The following SHARPIN variants were observed in gnomAD, a reference collection of about 807,000 sequenced individuals.
The protein encoded by SHARPIN is hSIPL1.
A neutral mutation model predicts 40.3 loss-of-function variants in SHARPIN; 25 were observed. The observed-to-expected ratio is 0.62, with a 90% confidence interval of 0.45 to 0.87. The LOEUF is 0.87. Ranked by LOEUF, SHARPIN falls within the 40% of genes least tolerant of loss-of-function variation. The probability of loss-of-function intolerance (pLI) is 0.00; values close to 1 mark genes in which losing one functional copy is unlikely to be tolerated. For synonymous variants in SHARPIN, 274 were observed against 221.8 expected (o/e 1.24, Z -2.09); for missense variants, 551 against 516.1 (o/e 1.07, Z -0.66).
rs201305567 is a variant in SHARPIN at position 144,099,087 on chromosome 8, T to G, written c.1041A>C (p.Pro347=). ...TGCCCAGTCCCGTGCCCACCTGGAG[T>G]GGACTGGGCAGGCTGGAGGCAGCTG... ...PQPAASSLPS[P]LQPSWSCPSC... Residue 347 remains proline (P), a synonymous_variant, in exon 7 of 9, where the codon CCA becomes CCC. Coordinates refer to ENST00000398712, the MANE Select transcript of SHARPIN (RefSeq NM_030974.4). The G allele has an allele frequency of 8.9e-5, 139 of 1,565,584 alleles. No individual in the cohort carries two copies. In the African/African-American group the frequency reaches 1.8e-3, roughly 21 times the overall value.
In SHARPIN at chr8:144,099,121, C is replaced by T. The variant is rs1400288074; in HGVS notation, c.1007G>A (p.Gly336Asp). ...CAGGCTGGAGGCAGCTGGCTGGGGG[C>T]CTGGGGGTAGCCCCAATGATGGGGG... The part of the protein sequence containing the change: ...LFPPSLGLPP[G>D]PQPAASSLPS... The change falls in exon 7 of 9, where the codon GGC becomes GAC. Residue 336 changes from glycine (G) to aspartate (D), a missense_variant. Coordinates refer to ENST00000398712, the MANE Select transcript of SHARPIN (RefSeq NM_030974.4). 2 of 1,587,352 alleles carry T rather than the reference C, an allele frequency of 1.3e-6. No homozygotes were observed. Among genetic ancestry groups the T allele is most frequent in the Non-Finnish European group, 1.7e-6 (2 of 1,167,648 alleles).
intron 2 of SHARPIN, among the ~76,000 whole-genome samples, chr8:144,100,504 G>A (rs1435535500): frequency 2.6e-5 from 4 of 152,198 alleles, no homozygotes; most frequent in Non-Finnish European, 1.5e-5. Context: ...ACTGCCCTGG[G>A]CGTCTTCAGA....
chr8:144,103,707 C>T lies in SHARPIN; in HGVS notation c.47G>A (p.Gly16Asp), dbSNP rs992686614. ...CACAGCCAAGAGCACTGCGGCGGAG[C>T]CCAAGTCCGAGGCCGCCGCCGCCGC... is the stretch of plus-strand genomic sequence containing the variant. ...GGAAAAASDL[G>D]SAAVLLAVHA... The change falls in exon 1 of 9, where the codon GGC becomes GAC. Residue 16 changes from glycine to aspartate, a missense_variant. Transcript: ENST00000398712. The T allele has an allele frequency of 6.9e-6, 10 of 1,440,576 alleles. No individual in the cohort carries two copies. Among genetic ancestry groups the T allele is most frequent in the South Asian group, 1.4e-5 (1 of 72,572 alleles). The allele number at this position is 1,440,576 out of a possible 1,614,324, so 89.2% of individuals were successfully genotyped here. A position where few individuals can be genotyped will look rare whatever the true frequency, so the allele number is the denominator to read the frequency against.
At chr8:144,102,902 T>TTAACCTG in intron 2 of SHARPIN, 149 bp downstream of exon 2, 1 of 907,312 alleles carries the variant, frequency 1.1e-6, no homozygotes, top group Admixed American at 2.1e-5. Flanking sequence ...CCACTCCAAG[T>TTAACCTG]ACTCCAAGCT....
At chr8:144,103,369 T>G (rs1836329961) in intron 1 of SHARPIN, 144 bp from the exon 2 acceptor site, 1 of 1,113,622 alleles carries the variant, frequency 9.0e-7, no homozygotes, top group Non-Finnish European at 1.3e-6. Flanking sequence ...AATAGCCCTG[T>G]AAAGTAGGTC....
chr8:144,100,684 TGGCCCC>T lies in SHARPIN; in HGVS notation c.377-621_377-616del, dbSNP rs541611117. ...CCTTCCACGCACCCAGCGCTGTTCCTGGCCCCGGCCCCGGCCCCGGCCCCCACTGAA... is the reference window on the plus strand; with the variant it reads ...CCTTCCACGCACCCAGCGCTGTTCCTGGCCCCGGCCCCGGCCCCCACTGAA... On this transcript the variant is annotated intron_variant, in intron 2 of 8. Transcript: ENST00000398712. 5.0e-3 allele frequency: 766 copies of T among 154,398 alleles called. 6 individuals carry two copies. The highest frequency in any genetic ancestry group is 0.014 in the African/African-American group (562 of 41,604). 9.6% of individuals were successfully genotyped at this position (154,398 alleles called of 1,614,324 possible). A position where few individuals can be genotyped will look rare whatever the true frequency, so the allele number is the denominator to read the frequency against.
chr8:144,102,316 C>T (rs576882474), intron 2 of SHARPIN, among the ~76,000 whole-genome samples: 96 of 151,654 alleles, frequency 6.3e-4, no homozygotes, highest in African/African-American at 2.3e-3. Context: ...CTCTGTCACC[C>T]AGGCTGGAGT....
At chr8:144,102,879 C>T in intron 2 of SHARPIN, 172 bp downstream of exon 2, 2 of 769,918 alleles carry the variant, frequency 2.6e-6, no homozygotes, top group South Asian at 3.2e-5. Context: ...GTGTAGGAGA[C>T]TGACTCCAGC....
Position 144,099,484 on chromosome 8 carries a change from C to A in SHARPIN, c.768+26G>T, listed in dbSNP as rs149544330. The stretch of plus-strand genomic sequence containing the variant: ...GTCACCTAGGCTCCTCTGCCCCTGG[C>A]AGGGCTCCCCAGACCCTGTGCCCAC... On this transcript the variant is annotated intron_variant, in intron 5 of 8. Coordinates refer to ENST00000398712, the MANE Select transcript of SHARPIN (RefSeq NM_030974.4). 2.4e-4 allele frequency: 394 copies of A among 1,609,632 alleles called. 6 individuals carry two copies. The East Asian group carries it at 8.6e-3, about 35-fold the overall frequency.
chr8:144,102,296 T>C (rs1293855637), intron 2 of SHARPIN, among the ~76,000 whole-genome samples: 2 of 138,382 alleles, frequency 1.4e-5, no homozygotes, highest in African/African-American at 5.4e-5. Context: ...TTTTTTGAGA[T>C]GGAGTCTTGC....
chr8:144,099,893 TCCC>T, intron 3 of SHARPIN, 33 bp downstream of exon 3: 2 of 1,550,940 alleles, frequency 1.3e-6, no homozygotes, highest in Non-Finnish European at 8.8e-7. Flanking sequence ...CTATCTGCTA[TCCC>T]CGAACCCCCC....
chr8:144,100,096 G>C, intron 2 of SHARPIN, 27 bp from the exon 3 acceptor site: 15 of 1,540,154 alleles, frequency 9.7e-6, no homozygotes, highest in Non-Finnish European at 1.3e-5. Flanking sequence ...GGTGTGCTGT[G>C]CTGTGGCCTC....
rs1470352105 is a variant in SHARPIN at position 144,103,719 on chromosome 8, G to A, written c.35C>T (p.Ala12Val). The change falls in exon 1 of 9, where the codon GCC becomes GTC. Residue 12 changes from alanine to valine, a missense_variant. Transcript: ENST00000398712. ...CACTGCGGCGGAGCCCAAGTCCGAG[G>A]CCGCCGCCGCCGCCCCGCCCGCTGG... ...APPAGGAAAA[A>V]SDLGSAAVLL... 5.0e-6 allele frequency: 7 copies of A among 1,391,860 alleles called. No individual in the cohort carries two copies. The South Asian group carries it at 7.8e-5, about 16-fold the overall frequency. The allele number at this position is 1,391,860 out of a possible 1,614,324, so 86.2% of individuals were successfully genotyped here.
Position 144,103,534 on chromosome 8 carries a change from G to A in SHARPIN, c.201+19C>T, listed in dbSNP as rs781087096. 2.0e-6 allele frequency: 3 copies of A among 1,530,286 alleles called. No individual in the cohort carries two copies. Among genetic ancestry groups the A allele is most frequent in the Non-Finnish European group, 1.7e-6 (2 of 1,144,700 alleles). 94.8% of individuals were successfully genotyped at this position (1,530,286 alleles called of 1,614,324 possible). Reference sequence around the variant, plus strand: ...CCCGGGCCAAGAGGACTGACCGCGCGCCCTCCGCCCCCACTCACCGCCCCA... The same window carrying A: ...CCCGGGCCAAGAGGACTGACCGCGCACCCTCCGCCCCCACTCACCGCCCCA... On this transcript the variant is annotated intron_variant, in intron 1 of 8. Coordinates refer to ENST00000398712, the MANE Select transcript of SHARPIN (RefSeq NM_030974.4).
chr8:144,103,273 C>T (rs758679181), intron 1 of SHARPIN, 48 bp from the exon 2 acceptor site: 12 of 1,547,128 alleles, frequency 7.8e-6, no homozygotes, highest in East Asian at 6.8e-5. Context: ...CGCCCTACAT[C>T]GCACGAGGAG....
At position 144,098,715 on chromosome 8, in the gene SHARPIN, T is replaced by C. The variant is rs1290127853; in HGVS notation, c.*86A>G. ...GGTGACTGTCCCAGCAAGCAGTCAGTAGAGGTCCCCGGAGTTCAGTGGGGG... is the reference window on the plus strand; with the variant it reads ...GGTGACTGTCCCAGCAAGCAGTCAGCAGAGGTCCCCGGAGTTCAGTGGGGG... On this transcript the variant is annotated 3_prime_UTR_variant, in exon 9 of 9. Transcript: ENST00000398712. 1.1e-5 allele frequency: 6 copies of C among 552,836 alleles called. No individual in the cohort carries two copies. Among genetic ancestry groups the C allele is most frequent in the Non-Finnish European group, 1.9e-5 (6 of 319,308 alleles). The allele number at this position is 552,836 out of a possible 1,614,324, so 34.2% of individuals were successfully genotyped here. A position where few individuals can be genotyped will look rare whatever the true frequency, so the allele number is the denominator to read the frequency against.
intron 2 of SHARPIN, 86 bp downstream of exon 2, chr8:144,102,965 G>A (rs963962590): frequency 6.6e-6 from 10 of 1,526,448 alleles, no homozygotes; most frequent in African/African-American, 2.7e-5. Context: ...ATCCAGCAGT[G>A]GGGAAGGTGG....
Position 144,099,965 on chromosome 8 carries a change from C to A in SHARPIN, c.481G>T (p.Asp161Tyr), listed in dbSNP as rs752880410. The A allele has an allele frequency of 7.8e-6, 12 of 1,545,826 alleles. No homozygotes were observed. Among genetic ancestry groups the A allele is most frequent in the East Asian group, 2.5e-5 (1 of 39,460 alleles). ...STLKGPPPEA[D>Y]LPRSPGNLTE... ...AAGTTTCCAGGGCTCCTAGGAAGAT[C>A]TGCCTCAGGTGGAGGGCCCTTGAGT... The change falls in exon 3 of 9, where the codon GAT (aspartate) becomes TAT (tyrosine). Residue 161 changes from aspartate to tyrosine, a missense_variant. By Grantham distance (160) the Asp-to-Tyr change is radical. Transcript: ENST00000398712.
Position 144,100,067 on chromosome 8 carries a change from T to C in SHARPIN, c.379A>G (p.Ser127Gly), listed in dbSNP as rs753688028. 1 of 1,570,340 alleles carries C rather than the reference T, an allele frequency of 6.4e-7. No individual in the cohort carries two copies. Among genetic ancestry groups the C allele is most frequent in the East Asian group, 2.2e-5 (1 of 44,646 alleles). ...AAGGCTGGTGGTGAGTTGCTCTTGCTGCCTAGAGGTAAGATATGGGTGTGC... is the reference window on the plus strand; with the variant it reads ...AAGGCTGGTGGTGAGTTGCTCTTGCCGCCTAGAGGTAAGATATGGGTGTGC... ...RGATVEGQNG[S>G]KSNSPPALGP... Residue 127 changes from serine (S) to glycine (G), a missense_variant and splice_region_variant, in exon 3 of 9, where the codon AGC becomes GGC. Transcript: ENST00000398712.
Sources: allele counts gnomAD v4.1 joint callset (sites outside exome capture counted in the v4.1 genomes callset), GRCh38; gene constraint gnomAD v4.1.1; transcripts MANE v1.5; gene names NCBI Gene and HGNC (gene_info 2026-07-23, HGNC 2026-07-21).